Variants in TACC2 observed in about 807,000 individuals in gnomAD.
TACC2 encodes transforming acidic coiled-coil containing protein 2.
TACC2 carries 137 observed loss-of-function variants against 227.3 expected under a neutral mutation model. The ratio of observed to expected loss-of-function variants is 0.60; its 90% confidence interval spans 0.52 to 0.69. TACC2 has a LOEUF of 0.69. TACC2 is among the 30% of genes least tolerant of loss of function. The pLI is 0.00. For missense variants in TACC2, 3,470 were observed against 3,694.4 expected (o/e 0.94, Z 1.57); for synonymous variants, 1,523 against 1,487.5 (o/e 1.02, Z -0.55).
Position 122,141,104 on chromosome 10 carries a change from A to G in TACC2, c.5700-2468A>G, listed in dbSNP as rs1029254591. Among the ~76,000 whole-genome samples, 11 of 152,152 alleles carry G rather than the reference A, an allele frequency of 7.2e-5. No individual in the cohort carries two copies. Among genetic ancestry groups the G allele is most frequent in the South Asian group, 4.1e-4 (2 of 4,830 alleles). ...GGGTGATGAGGGGCATGGGAATGAGAGAACTGGAAGTCAGTGCCAGGGCCT... is the reference window on the plus strand; with the variant it reads ...GGGTGATGAGGGGCATGGGAATGAGGGAACTGGAAGTCAGTGCCAGGGCCT... On this transcript the variant is annotated intron_variant, in intron 6 of 22. Coordinates refer to ENST00000369005, the MANE Select transcript of TACC2 (RefSeq NM_206862.4). This position sits in a 1 kb window ranked among gnomAD's most constrained non-coding sequence, Gnocchi z 4.3.
intron 7 of TACC2, among the ~76,000 whole-genome samples, chr10:122,168,366 T>G (rs1226747940): frequency 6.6e-6 from 1 of 152,182 alleles, no homozygotes; most frequent in Non-Finnish European, 1.5e-5. Context: ...TTTTCTCCCC[T>G]AAAATAGAAT....
At chr10:122,188,777 A>G (rs1445164893) in intron 7 of TACC2, among the ~76,000 whole-genome samples, 1 of 152,168 alleles carries the variant, frequency 6.6e-6, no homozygotes, top group Non-Finnish European at 1.5e-5. Flanking sequence ...TAACATCACA[A>G]CATAGCCACG....
chr10:122,151,088 G>A lies in TACC2; in HGVS notation c.5834+7382G>A, dbSNP rs1433433532. Among the ~76,000 whole-genome samples the A allele has an allele frequency of 2.6e-5, 4 of 152,178 alleles. No homozygotes were observed. In the East Asian group the frequency reaches 7.7e-4, roughly 29 times the overall value. ...ACATGAAGAATGTAGCTCAGTGTTT[G>A]ACAAGTAGGAGGCATTGAATTCACA... On this transcript the variant is annotated intron_variant, in intron 7 of 22. Coordinates refer to ENST00000369005, the MANE Select transcript of TACC2 (RefSeq NM_206862.4).
intron 5 of TACC2, among the ~76,000 whole-genome samples, chr10:122,126,007 G>T (rs532289965): frequency 1.3e-3 from 204 of 152,068 alleles, no homozygotes; most frequent in African/African-American, 4.7e-3. Flanking sequence ...TCGATCTCCT[G>T]ACCTCGTGAT....
chr10:122,084,056 C>G lies in TACC2; in HGVS notation c.1556C>G (p.Pro519Arg). 1 of 1,613,916 alleles carries G rather than the reference C, an allele frequency of 6.2e-7. No homozygotes were observed. Among genetic ancestry groups the G allele is most frequent in the Non-Finnish European group, 8.5e-7 (1 of 1,179,964 alleles). ...CCAGGAGTACCACCCCCTCCTCTTC[C>G]CAAGGAGCAAAGCCATGAGGTCCAA... ...VQPGVPPPPL[P>R]KEQSHEVQPG... The change falls in exon 4 of 23, where the codon CCC becomes CGC. Residue 519 changes from proline to arginine, a missense_variant. This residue lies in a region of TACC2 where 1,924 missense variants were observed against 1,978.3 expected (regional missense o/e 0.97). Transcript: ENST00000369005.
intron 3 of TACC2, among the ~76,000 whole-genome samples, chr10:122,073,073 A>G (rs1418024972): frequency 1.5e-5 from 2 of 133,200 alleles, no homozygotes; most frequent in African/African-American, 5.7e-5. Context: ...AGATCACGCC[A>G]TTGGACTCCA....
chr10:122,085,359 C>T lies in TACC2; in HGVS notation c.2859C>T (p.Cys953=), dbSNP rs774454610. The stretch of plus-strand genomic sequence containing the variant: ...GGGAGAAGCGGCCAGAGGGAGCATG[C>T]GGTGATGGTCAGTCCTCGAGGGTCT... The part of the protein sequence containing the change: ...ALGEKRPEGA[C]GDGQSSRVSP... Residue 953 remains cysteine, a synonymous_variant, in exon 4 of 23, where the codon TGC becomes TGT. Coordinates refer to ENST00000369005, the MANE Select transcript of TACC2 (RefSeq NM_206862.4). 5.6e-6 allele frequency: 9 copies of T among 1,613,812 alleles called. No individual in the cohort carries two copies. The Admixed American group carries it at 1.0e-4, about 18-fold the overall frequency.
intron 2 of TACC2, among the ~76,000 whole-genome samples, chr10:122,024,956 T>C (rs372771627): frequency 6.6e-6 from 1 of 152,218 alleles, no homozygotes; most frequent in Admixed American, 6.5e-5. Context: ...GGTTGTATGA[T>C]AGTTGCATGT....
chr10:122,199,207 C>T (rs2094692128), intron 8 of TACC2, among the ~76,000 whole-genome samples: 1 of 152,224 alleles, frequency 6.6e-6, no homozygotes, highest in Non-Finnish European at 1.5e-5. Context: ...CACCTGGGGG[C>T]CCGAGCCATT....
intron 7 of TACC2, among the ~76,000 whole-genome samples, chr10:122,155,097 G>A (rs1271842095): frequency 6.6e-6 from 1 of 152,230 alleles, no homozygotes; most frequent in Non-Finnish European, 1.5e-5. Flanking sequence ...TTCAAAATGA[G>A]GGAAGGACGG....
chr10:122,117,120 G>C (rs1369138710), intron 5 of TACC2, among the ~76,000 whole-genome samples: 1 of 151,542 alleles, frequency 6.6e-6, no homozygotes, highest in Non-Finnish European at 1.5e-5. Context: ...ATTAAATCAA[G>C]TCCCTCAAAT....
chr10:122,055,222 A>C (rs1407949009), intron 3 of TACC2, among the ~76,000 whole-genome samples: 4 of 119,756 alleles, frequency 3.3e-5, no homozygotes, highest in South Asian at 3.1e-4. Flanking sequence ...GCCGTCTCCC[A>C]AAAAAAAATA....
At chr10:122,022,400 C>T (rs545622555) in intron 2 of TACC2, 127 of 164,474 alleles carry the variant, frequency 7.7e-4, no homozygotes, top group African/African-American at 2.7e-3. Flanking sequence ...TGCACCACCA[C>T]GCCTGGCTAA....
Position 122,211,634 on chromosome 10 carries a change from T to G in TACC2, c.7209T>G (p.Ser2403Arg). ...CAGCCTCCTTTGAGATCCCAGCCAGTGCTATGGAAGCCAATGGAGTGGACG... is the reference window on the plus strand; with the variant it reads ...CAGCCTCCTTTGAGATCCCAGCCAGGGCTATGGAAGCCAATGGAGTGGACG... ...KSPASFEIPASAMEANGVDGD... is the reference protein window; with the variant it reads ...KSPASFEIPARAMEANGVDGD... The change falls in exon 9 of 23, where the codon AGT (serine) becomes AGG (arginine). Residue 2403 changes from serine (S) to arginine (R), a missense_variant. Transcript: ENST00000369005. 1 of 1,612,064 alleles carries G rather than the reference T, an allele frequency of 6.2e-7. No individual in the cohort carries two copies. The highest frequency in any genetic ancestry group is 8.5e-7 in the Non-Finnish European group (1 of 1,179,222).
At chr10:122,061,904 A>T (rs1337474998) in intron 3 of TACC2, among the ~76,000 whole-genome samples, 1 of 151,846 alleles carries the variant, frequency 6.6e-6, no homozygotes, top group African/African-American at 2.4e-5. Flanking sequence ...AACTGAGTAG[A>T]AGTAGAGGGT....
intron 7 of TACC2, among the ~76,000 whole-genome samples, chr10:122,154,513 C>G (rs2092332149): frequency 6.6e-6 from 1 of 152,202 alleles, no homozygotes; most frequent in Non-Finnish European, 1.5e-5. Flanking sequence ...CCTTGTCATG[C>G]CTGTGTCCAG....
intron 7 of TACC2, among the ~76,000 whole-genome samples, chr10:122,159,181 G>T (rs1003103733): frequency 6.6e-6 from 1 of 152,248 alleles, no homozygotes; most frequent in Admixed American, 6.5e-5. Flanking sequence ...TCAGCAGTGA[G>T]GCCACGGTGA....
chr10:122,044,063 A>G (rs1407704739), intron 2 of TACC2, among the ~76,000 whole-genome samples: 1 of 152,188 alleles, frequency 6.6e-6, no homozygotes, highest in African/African-American at 2.4e-5. Context: ...TAATCATCAA[A>G]ACACACGTCA....
chr10:122,040,303 A>T lies in TACC2; in HGVS notation c.34-10135A>T, dbSNP rs2074093061. Reference sequence around the variant, plus strand: ...CCCGGGAGTGTCAGGGTCCTGGCTTATGTGTGTCCCTCTCTGGGAAAGAGG... The same window carrying T: ...CCCGGGAGTGTCAGGGTCCTGGCTTTTGTGTGTCCCTCTCTGGGAAAGAGG... On this transcript the variant is annotated intron_variant, in intron 2 of 22. Transcript: ENST00000369005. Among the ~76,000 whole-genome samples the T allele has an allele frequency of 5.3e-5, 8 of 152,240 alleles. No individual in the cohort carries two copies. The South Asian group carries it at 1.7e-3, about 32-fold the overall frequency.
Sources: gnomAD v4.1 joint callset for allele counts (sites outside exome capture counted in the v4.1 genomes callset) on GRCh38, gnomAD v4.1.1 for gene constraint, gnomAD v4.1.1 regional missense constraint, Gnocchi (gnomAD v3.1) non-coding constraint, MANE v1.5 for transcripts, NCBI Gene and HGNC (gene_info 2026-07-23, HGNC 2026-07-21) for gene names.